The following GNPAT variants were observed in gnomAD, a reference collection of about 807,000 sequenced individuals.
GNPAT encodes the protein dihydroxyacetone phosphate acyltransferase.
GNPAT carries 30 observed loss-of-function variants against 78.4 expected under a neutral mutation model. The observed-to-expected ratio is 0.38, with a 90% CI of 0.29 to 0.52. The LOEUF is 0.52. GNPAT is among the 20% of genes least tolerant of loss of function. The pLI is 0.84. For synonymous variants in GNPAT, 271 were observed against 281.1 expected (o/e 0.96, Z 0.36); for missense variants, 714 against 812.2 (o/e 0.88, Z 1.47).
At chr1:231,273,777 TG>T in intron 11 of GNPAT, 144 bp from the exon 12 acceptor site, 1 of 693,330 alleles carries the variant, frequency 1.4e-6, no homozygotes. Context: ...GGGAAATAGC[TG>T]GTATTCTGTT....
chr1:231,249,811 A>G (rs1684842386), intron 1 of GNPAT, among the ~76,000 whole-genome samples: 1 of 152,208 alleles, frequency 6.6e-6, no homozygotes, highest in Admixed American at 6.5e-5. Flanking sequence ...AGCTTTAATT[A>G]TTATCATTAC....
At chr1:231,243,241 G>A (rs1003260851) in intron 1 of GNPAT, among the ~76,000 whole-genome samples, 5 of 152,202 alleles carry the variant, frequency 3.3e-5, no homozygotes, top group Non-Finnish European at 2.9e-5. Flanking sequence ...GAGACAAGAA[G>A]GGGCACCTGA....
At chr1:231,265,579 T>C in intron 5 of GNPAT, 133 bp from the exon 6 acceptor site, 1 of 886,822 alleles carries the variant, frequency 1.1e-6, no homozygotes, top group Non-Finnish European at 1.9e-6. Context: ...GTGACTCTCT[T>C]GTTTAATTTT....
intron 1 of GNPAT, among the ~76,000 whole-genome samples, chr1:231,243,110 A>C (rs1021455479): frequency 6.6e-5 from 10 of 152,226 alleles, no homozygotes; most frequent in Admixed American, 3.3e-4. Flanking sequence ...AGTTTCCAAG[A>C]TATAGAAGTT....
chr1:231,252,739 TAAAGG>T (rs906873065), intron 2 of GNPAT, among the ~76,000 whole-genome samples: 5 of 152,148 alleles, frequency 3.3e-5, no homozygotes, highest in African/African-American at 1.2e-4. Context: ...ATAAATGTCT[TAAAGG>T]AAAACAAGCA....
At position 231,277,492 on chromosome 1, in the gene GNPAT, A is replaced by C; in HGVS notation, c.2000-7A>C. The C allele has an allele frequency of 6.4e-7, 1 of 1,569,080 alleles. No individual in the cohort carries two copies. Among genetic ancestry groups the C allele is most frequent in the Non-Finnish European group, 8.8e-7 (1 of 1,138,916 alleles). ...TTTCATGAGCTGCTTCTCTTTTTTCATCTTAGGTTGTAAGACACCAATAGG... is the reference window on the plus strand; with the variant it reads ...TTTCATGAGCTGCTTCTCTTTTTTCCTCTTAGGTTGTAAGACACCAATAGG... On this transcript the variant is annotated splice_region_variant and splice_polypyrimidine_tract_variant and intron_variant, in intron 15 of 15. Transcript: ENST00000366647.
chr1:231,271,071 T>G, intron 10 of GNPAT, 71 bp downstream of exon 10: 1 of 1,525,930 alleles, frequency 6.6e-7, no homozygotes, highest in East Asian at 2.2e-5. Context: ...GGGAGCCACA[T>G]TTGAAGCCTT....
At chr1:231,257,174 T>C (rs1685089474) in intron 2 of GNPAT, among the ~76,000 whole-genome samples, 1 of 152,236 alleles carries the variant, frequency 6.6e-6, no homozygotes, top group African/African-American at 2.4e-5. Flanking sequence ...CCTGTGTTGT[T>C]GATCTATTCA....
In GNPAT at chr1:231,241,383, A is replaced by C; in HGVS notation, c.5A>C (p.Glu2Ala). 1 of 1,612,792 alleles carries C rather than the reference A, an allele frequency of 6.2e-7. No individual in the cohort carries two copies. The highest frequency in any genetic ancestry group is 1.3e-5 in the African/African-American group (1 of 75,020). ...GCCCGGGAAGGCAGCCGCACCATGG[A>C]GTCTTCCAGTTCATCTAACTCTTAT... M[E>A]SSSSSNSYFS... is the part of the protein sequence containing the mutation. Residue 2 changes from glutamate (E) to alanine (A), a missense_variant, in exon 1 of 16, where the codon GAG (glutamate) becomes GCG (alanine). Physicochemically the swap from Glu to Ala is moderately radical, Grantham distance 107. Transcript: ENST00000366647.
At chr1:231,274,506 C>T (rs1313260412) in intron 12 of GNPAT, among the ~76,000 whole-genome samples, 4 of 152,166 alleles carry the variant, frequency 2.6e-5, no homozygotes, top group African/African-American at 4.8e-5. Flanking sequence ...AGTTCAAGTG[C>T]AAGTTCTGAA....
intron 2 of GNPAT, among the ~76,000 whole-genome samples, chr1:231,252,659 G>T (rs1448109372): frequency 6.6e-6 from 1 of 151,886 alleles, no homozygotes; most frequent in East Asian, 1.9e-4. Flanking sequence ...CTGGTCAGAA[G>T]AGAAAATATT....
intron 9 of GNPAT, among the ~76,000 whole-genome samples, chr1:231,269,198 G>A (rs1004214524): frequency 6.6e-6 from 1 of 152,164 alleles, no homozygotes; most frequent in African/African-American, 2.4e-5. Context: ...TGAGAGTGCT[G>A]CAGAGGAAAG....
chr1:231,260,706 AT>A, intron 3 of GNPAT, 23 bp downstream of exon 3: 1 of 1,431,662 alleles, frequency 7.0e-7, no homozygotes, highest in Non-Finnish European at 9.8e-7. Context: ...TATTAAAAAA[AT>A]AAAGAAATAA....
At chr1:231,246,036 A>C (rs1250504767) in intron 1 of GNPAT, among the ~76,000 whole-genome samples, 1 of 152,222 alleles carries the variant, frequency 6.6e-6, no homozygotes, top group Non-Finnish European at 1.5e-5. Context: ...AAAAGGTAAT[A>C]AATACTGATA....
At position 231,262,860 on chromosome 1, in the gene GNPAT, T is replaced by C; in HGVS notation, c.568+8T>C. 6.2e-7 allele frequency: 1 copy of C among 1,609,740 alleles called. No individual in the cohort carries two copies. The highest frequency in any genetic ancestry group is 1.3e-5 in the African/African-American group (1 of 74,970). On this transcript the variant is annotated splice_region_variant and intron_variant, in intron 4 of 15. Coordinates refer to ENST00000366647, the MANE Select transcript of GNPAT (RefSeq NM_014236.4). ...TTATAGCAGCAGGAATGGGTATGTA[T>C]TGTTTTTCTGTTTTTTTAACTGTAA...
rs774251102 is a variant in GNPAT at position 231,266,259 on chromosome 1, C to A, written c.925-18C>A. The A allele has an allele frequency of 1.2e-6, 2 of 1,613,914 alleles. No individual in the cohort carries two copies. The highest frequency in any genetic ancestry group is 1.3e-5 in the African/African-American group (1 of 74,900). ...TACTGCTTTTCGTTTTCTTCCCCCC[C>A]TGTTATGGTACTATTAGGGGTTGCT... On this transcript the variant is annotated intron_variant, in intron 7 of 15. Coordinates refer to ENST00000366647, the MANE Select transcript of GNPAT (RefSeq NM_014236.4).
rs369126991 is a variant in GNPAT at position 231,246,331 on chromosome 1, C to T, written c.79-4630C>T. 1.1e-4 allele frequency among the ~76,000 whole-genome samples: 16 copies of T among 152,200 alleles called. No individual in the cohort carries two copies. The East Asian group carries it at 2.1e-3, about 20-fold the overall frequency. Reference sequence around the variant, plus strand: ...CTGGTGGTATCACTAAATGAATTTACCTTGTTTATTTGTTGTCTGTCTTTC... The same window carrying T: ...CTGGTGGTATCACTAAATGAATTTATCTTGTTTATTTGTTGTCTGTCTTTC... On this transcript the variant is annotated intron_variant, in intron 1 of 15. Coordinates refer to ENST00000366647, the MANE Select transcript of GNPAT (RefSeq NM_014236.4).
chr1:231,275,266 G>A lies in GNPAT; in HGVS notation c.1789G>A (p.Glu597Lys), dbSNP rs1347743759. The A allele has an allele frequency of 6.2e-7, 1 of 1,613,262 alleles. No homozygotes were observed. Among genetic ancestry groups the A allele is most frequent in the Non-Finnish European group, 8.5e-7 (1 of 1,179,168 alleles). The change falls in exon 13 of 16, where the codon GAG becomes AAG. Residue 597 changes from glutamate to lysine, a missense_variant. Glu to Lys is a moderately conservative substitution (Grantham distance 56). Coordinates refer to ENST00000366647, the MANE Select transcript of GNPAT (RefSeq NM_014236.4). ...LLSEEEDHFSEEQYLAAVRKF... is the reference protein window; with the variant it reads ...LLSEEEDHFSKEQYLAAVRKF... ...GAGTGAAGAAGAGGACCACTTCAGTGAGGAACAGTACTTGGCTGCAGTCAG... is the reference window on the plus strand; with the variant it reads ...GAGTGAAGAAGAGGACCACTTCAGTAAGGAACAGTACTTGGCTGCAGTCAG...
intron 11 of GNPAT, among the ~76,000 whole-genome samples, chr1:231,273,692 G>A (rs1262453720): frequency 2.6e-5 from 4 of 152,156 alleles, no homozygotes; most frequent in African/African-American, 9.7e-5. Context: ...GAAATGTTGT[G>A]TTTGAAAACA....
Sources: gnomAD v4.1 joint callset for allele counts (sites outside exome capture counted in the v4.1 genomes callset) on GRCh38, gnomAD v4.1.1 for gene constraint, MANE v1.5 for transcripts, NCBI Gene and HGNC (gene_info 2026-07-23, HGNC 2026-07-21) for gene names.